SLC8A3: variants seen among roughly 807,000 people sequenced by gnomAD.
SLC8A3 encodes the protein sodium/calcium exchanger 3.
SLC8A3 carries 37 observed loss-of-function variants against 65.4 expected under a neutral mutation model. The observed-to-expected ratio is 0.57, with a 90% CI of 0.44 to 0.74. The LOEUF (loss-of-function observed/expected upper bound fraction) is 0.74, where lower values mean the gene tolerates loss of function less well. Ranked by LOEUF, SLC8A3 falls within the 30% of genes least tolerant of loss-of-function variation. SLC8A3 has a pLI of 0.00. For missense variants in SLC8A3, 1,112 were observed against 1,172.1 expected (o/e 0.95, Z 0.75); for synonymous variants, 461 against 444.5 (o/e 1.04, Z -0.47).
chr14:70,101,935 T>C (rs895846800), intron 2 of SLC8A3, among the ~76,000 whole-genome samples: 1 of 152,080 alleles, frequency 6.6e-6, no homozygotes, highest in Admixed American at 6.6e-5. Context: ...GTGAGTGAAA[T>C]TCACAAGATA....
intron 2 of SLC8A3, among the ~76,000 whole-genome samples, chr14:70,111,338 G>A (rs549574435): frequency 2.0e-5 from 3 of 152,310 alleles, no homozygotes; most frequent in African/African-American, 7.2e-5. Context: ...CCCTATGGAT[G>A]AAGGCCTATC....
intron 2 of SLC8A3, among the ~76,000 whole-genome samples, chr14:70,119,936 A>C (rs1184769055): frequency 6.6e-6 from 1 of 152,228 alleles, no homozygotes; most frequent in African/African-American, 2.4e-5. Context: ...CATTTCCCAG[A>C]TGCCTTTGCA....
chr14:70,129,221 G>A (rs150226595), intron 2 of SLC8A3, among the ~76,000 whole-genome samples: 120 of 152,280 alleles, frequency 7.9e-4, no homozygotes, highest in Non-Finnish European at 1.1e-3. Flanking sequence ...AGCTGAACCT[G>A]ATTTAAATTC....
At chr14:70,138,485 A>G (rs1316280547) in intron 2 of SLC8A3, among the ~76,000 whole-genome samples, 1 of 152,192 alleles carries the variant, frequency 6.6e-6, no homozygotes, top group Admixed American at 6.5e-5. Context: ...TCCTGCTCTG[A>G]ACTCATGGCT....
At chr14:70,059,096 G>A (rs1319178032) in intron 3 of SLC8A3, 2 of 152,256 alleles carry the variant, frequency 1.3e-5, no homozygotes, top group Non-Finnish European at 2.9e-5. Flanking sequence ...CAGGCTGAGG[G>A]CAACGTTTTA....
intron 1 of SLC8A3, among the ~76,000 whole-genome samples, chr14:70,185,151 GA>G (rs1883090493): frequency 6.6e-6 from 1 of 152,056 alleles, no homozygotes. Context: ...ATTTTTAGTA[GA>G]GACGGGATTT....
intron 2 of SLC8A3, among the ~76,000 whole-genome samples, chr14:70,095,120 G>A (rs1892080625): frequency 6.6e-6 from 1 of 152,244 alleles, no homozygotes; most frequent in South Asian, 2.1e-4. Context: ...TCACGTGGTA[G>A]AAAGAACACA....
intron 1 of SLC8A3, among the ~76,000 whole-genome samples, chr14:70,173,160 A>T (rs1348965958): frequency 2.0e-5 from 3 of 152,228 alleles, no homozygotes; most frequent in Non-Finnish European, 4.4e-5. Flanking sequence ...AAAGAATGAC[A>T]TGGTATGATT....
At chr14:70,122,376 A>G (rs1894129874) in intron 2 of SLC8A3, among the ~76,000 whole-genome samples, 1 of 152,046 alleles carries the variant, frequency 6.6e-6, no homozygotes, top group African/African-American at 2.4e-5. Flanking sequence ...TTGTCCCCCA[A>G]CCACCCCTGT....
intron 2 of SLC8A3, among the ~76,000 whole-genome samples, chr14:70,119,236 T>A (rs942165223): frequency 6.6e-6 from 1 of 152,116 alleles, no homozygotes; most frequent in African/African-American, 2.4e-5. Context: ...TAAAGTCCTA[T>A]TTCCAAGGCT....
chr14:70,148,052 A>G (rs1896043826), intron 2 of SLC8A3, among the ~76,000 whole-genome samples: 1 of 152,170 alleles, frequency 6.6e-6, no homozygotes. Flanking sequence ...TTCAGTAGAA[A>G]CTATACTTTG....
chr14:70,066,546 C>T (rs757023447), intron 2 of SLC8A3, among the ~76,000 whole-genome samples: 1 of 152,164 alleles, frequency 6.6e-6, no homozygotes, highest in Non-Finnish European at 1.5e-5. Flanking sequence ...CGCGGTGCCT[C>T]ACACCTGTAA....
chr14:70,048,764 C>T lies in SLC8A3; in HGVS notation c.2389+3G>A. ...TGCAAATTCAAGCACCTCTCACTCT[C>T]ACCTGGGACAGAGGTGCCAAATGCC... On this transcript the variant is annotated splice_donor_region_variant and intron_variant, in intron 6 of 6. Coordinates refer to ENST00000356921, the MANE Select transcript of SLC8A3 (RefSeq NM_182932.3). The T allele has an allele frequency of 6.2e-7, 1 of 1,613,288 alleles. No homozygotes were observed. The highest frequency in any genetic ancestry group is 8.5e-7 in the Non-Finnish European group (1 of 1,179,662).
intron 2 of SLC8A3, among the ~76,000 whole-genome samples, chr14:70,079,082 T>G (rs778363189): frequency 3.5e-4 from 53 of 152,150 alleles, no homozygotes; most frequent in Non-Finnish European, 6.9e-4. Flanking sequence ...GTTTCCTTAT[T>G]TGTCTTCTCC....
At chr14:70,184,952 C>CT (rs1370882670) in intron 1 of SLC8A3, among the ~76,000 whole-genome samples, 234 of 139,764 alleles carry the variant, frequency 1.7e-3, no homozygotes, top group Non-Finnish European at 2.1e-3. Flanking sequence ...TTATTCCTTT[C>CT]TTTTTTTTCT....
chr14:70,128,710 C>T (rs552480844), intron 2 of SLC8A3, among the ~76,000 whole-genome samples: 1 of 152,154 alleles, frequency 6.6e-6, no homozygotes, highest in Non-Finnish European at 1.5e-5. Flanking sequence ...AACATGTTTC[C>T]TCTTCACTAA....
At chr14:70,068,807 G>A (rs986331422) in intron 2 of SLC8A3, among the ~76,000 whole-genome samples, 11 of 152,088 alleles carry the variant, frequency 7.2e-5, no homozygotes, top group African/African-American at 2.7e-4. Flanking sequence ...GCTCACCACA[G>A]CCTCAACCTC....
intron 2 of SLC8A3, among the ~76,000 whole-genome samples, chr14:70,076,977 G>C (rs1360582470): frequency 6.6e-6 from 1 of 152,136 alleles, no homozygotes; most frequent in Non-Finnish European, 1.5e-5. Context: ...TCTAAGATGA[G>C]TGCAATAATA....
At position 70,144,348 on chromosome 14, in the gene SLC8A3, A is replaced by G. The variant is rs80173702; in HGVS notation, c.1784+22291T>C. 2.2e-5 allele frequency among the ~76,000 whole-genome samples: 3 copies of G among 134,804 alleles called. No individual in the cohort carries two copies. The Admixed American group carries it at 2.2e-4, about 10-fold the overall frequency. The allele number at this position is 134,804 out of a possible 152,430, so 88.4% of individuals were successfully genotyped here. A position where few individuals can be genotyped will look rare whatever the true frequency, so the allele number is the denominator to read the frequency against. On this transcript the variant is annotated intron_variant, in intron 2 of 6. Coordinates refer to ENST00000356921, the MANE Select transcript of SLC8A3 (RefSeq NM_182932.3). ...TTTTTTTTTAAAAAAAAAAAAAAAA[A>G]GGCCAGGCACAGTGCTCATGCCTGT...
Sources: gnomAD v4.1 joint callset for allele counts (sites outside exome capture counted in the v4.1 genomes callset) on GRCh38, gnomAD v4.1.1 for gene constraint, MANE v1.5 for transcripts, NCBI Gene and HGNC (gene_info 2026-07-23, HGNC 2026-07-21) for gene names.